Variants in PIK3C2B observed in about 807,000 individuals in gnomAD.
PIK3C2B encodes phosphatidylinositol-4-phosphate 3-kinase catalytic subunit type 2 beta.
A neutral mutation model predicts 184.3 loss-of-function variants in PIK3C2B; 83 were observed. The observed-to-expected ratio is 0.45, with a 90% CI of 0.38 to 0.54. The LOEUF (loss-of-function observed/expected upper bound fraction) is 0.54. PIK3C2B is among the 20% of genes least tolerant of loss of function. PIK3C2B has a pLI of 0.00. For missense variants in PIK3C2B, 1,736 were observed against 2,113.5 expected, an observed-to-expected ratio of 0.82 and a Z score of 3.50; for synonymous variants, 779 against 837.6, an observed-to-expected ratio of 0.93 and a Z score of 1.21.
At chr1:204,451,411 G>C (rs1466291727) in intron 12 of PIK3C2B, among the ~76,000 whole-genome samples, 1 of 152,082 alleles carries the variant, frequency 6.6e-6, no homozygotes, top group Non-Finnish European at 1.5e-5. Flanking sequence ...GGTATATCTG[G>C]TATTCCACAA....
chr1:204,431,355 A>C (rs1675044700), intron 28 of PIK3C2B: 3 of 393,880 alleles, frequency 7.6e-6, no homozygotes, highest in Non-Finnish European at 1.4e-5. Context: ...ATCCCACTGT[A>C]TGTACATATG....
Position 204,433,551 on chromosome 1 carries a change from T to C in PIK3C2B, c.3844-126A>G. ...ACCCTTCTAGAGGGTGGTAGACAGA[T>C]GCTGTGGGCAGTGGCTGGAGGGCCA... On this transcript the variant is annotated intron_variant, in intron 25 of 32. Transcript: ENST00000684373. This position sits in a 1 kb window ranked among gnomAD's most constrained non-coding sequence, Gnocchi z 5.0. 1 of 728,378 alleles carries C rather than the reference T, an allele frequency of 1.4e-6. No individual in the cohort carries two copies. Among genetic ancestry groups the C allele is most frequent in the Non-Finnish European group, 2.3e-6 (1 of 428,848 alleles). 45.1% of individuals were successfully genotyped at this position (728,378 alleles called of 1,614,324 possible).
chr1:204,484,816 TCA>T (rs1272533149), intron 1 of PIK3C2B, among the ~76,000 whole-genome samples: 1 of 151,602 alleles, frequency 6.6e-6, no homozygotes, highest in Non-Finnish European at 1.5e-5. Flanking sequence ...CCAGAACATT[TCA>T]CTCTCCCAGG....
intron 10 of PIK3C2B, 96 bp from the exon 11 acceptor site, chr1:204,456,147 G>A (rs1206509597): frequency 4.3e-6 from 4 of 936,320 alleles, no homozygotes; most frequent in African/African-American, 1.7e-5. Flanking sequence ...GCCTAAGACA[G>A]TGGTCCCCAA....
At chr1:204,440,597 CTT>C (rs34256181) in intron 21 of PIK3C2B, among the ~76,000 whole-genome samples, 4 of 123,548 alleles carry the variant, frequency 3.2e-5, no homozygotes, top group Admixed American at 1.8e-4. Flanking sequence ...ACCATCAGGC[CTT>C]TTTTTTTTTT....
chr1:204,485,123 A>G (rs1430410057), intron 1 of PIK3C2B, among the ~76,000 whole-genome samples: 1 of 150,818 alleles, frequency 6.6e-6, no homozygotes, highest in East Asian at 2.0e-4. Context: ...ATCACGGATC[A>G]CTGCAGCCTT....
chr1:204,425,388 G>A (rs1460062085), intron 32 of PIK3C2B, among the ~76,000 whole-genome samples: 1 of 152,182 alleles, frequency 6.6e-6, no homozygotes, highest in African/African-American at 2.4e-5. Flanking sequence ...TTTATGTAAA[G>A]GGACAGATAG....
At chr1:204,442,113 G>A (rs1037821773) in intron 20 of PIK3C2B, among the ~76,000 whole-genome samples, 4 of 152,136 alleles carry the variant, frequency 2.6e-5, no homozygotes, top group Non-Finnish European at 5.9e-5. Flanking sequence ...CAAGCTGTCA[G>A]GCTTCTAAAA....
At chr1:204,453,826 T>G (rs986557742) in intron 12 of PIK3C2B, among the ~76,000 whole-genome samples, 1 of 151,364 alleles carries the variant, frequency 6.6e-6, no homozygotes, top group South Asian at 2.1e-4. Flanking sequence ...CAGGCTGGAG[T>G]GCAATGGCAC....
At chr1:204,449,136 G>T in intron 14 of PIK3C2B, 49 bp downstream of exon 14, 2 of 1,287,680 alleles carry the variant, frequency 1.6e-6, no homozygotes, top group South Asian at 2.5e-5. Context: ...ATGTAGAGTT[G>T]ACTGGAATGG....
At chr1:204,431,144 C>T (rs1675033937) in intron 28 of PIK3C2B, among the ~76,000 whole-genome samples, 1 of 152,180 alleles carries the variant, frequency 6.6e-6, no homozygotes, top group African/African-American at 2.4e-5. Context: ...AACAACCACA[C>T]CTACCTCCCC....
chr1:204,457,174 G>A (rs1402644360), intron 9 of PIK3C2B, 104 bp from the exon 10 acceptor site: 2 of 916,838 alleles, frequency 2.2e-6, no homozygotes, highest in South Asian at 3.2e-5. Flanking sequence ...ACCAGAATGG[G>A]CTGAAATGTG....
Position 204,424,531 on chromosome 1 carries a change from C to A in PIK3C2B, c.*321G>T, listed in dbSNP as rs1674644419. The A allele has an allele frequency of 4.2e-6, 1 of 239,834 alleles. No individual in the cohort carries two copies. The highest frequency in any genetic ancestry group is 8.0e-6 in the Non-Finnish European group (1 of 125,314). 14.9% of individuals were successfully genotyped at this position (239,834 alleles called of 1,614,324 possible). A position where few individuals can be genotyped will look rare whatever the true frequency, so the allele number is the denominator to read the frequency against. Reference sequence around the variant, plus strand: ...TATCCACCCACCCACCCCCAAAATGCTACTTCATACAGCCCACCCCACACA... The same window carrying A: ...TATCCACCCACCCACCCCCAAAATGATACTTCATACAGCCCACCCCACACA... On this transcript the variant is annotated 3_prime_UTR_variant, in exon 33 of 33. Transcript: ENST00000684373.
At chr1:204,466,104 T>G (rs1193537944) in intron 2 of PIK3C2B, among the ~76,000 whole-genome samples, 1 of 152,130 alleles carries the variant, frequency 6.6e-6, no homozygotes, top group Non-Finnish European at 1.5e-5. Flanking sequence ...GGAGGGTTCC[T>G]AAAGAAGCCC....
At chr1:204,465,196 CCA>C (rs2103510220) in intron 3 of PIK3C2B, 21 bp downstream of exon 3, 1 of 1,271,812 alleles carries the variant, frequency 7.9e-7, no homozygotes, top group Non-Finnish European at 1.1e-6. Context: ...CTCCCAAATC[CCA>C]CCCCATTCTT....
At position 204,455,878 on chromosome 1, in the gene PIK3C2B, T is replaced by G. The variant is rs1654806262; in HGVS notation, c.1921A>C (p.Ile641Leu). ...LAFTVYATHR[I>L]PIIWATSYED... ...CACCTGGTAGCCCAGATGATGGGGA[T>G]GCGGTGGGTGGCATAGACAGTGAAG... Residue 641 changes from isoleucine (I) to leucine (L), a missense_variant, in exon 11 of 33, where the codon ATC becomes CTC. Physicochemically the swap from Ile to Leu is conservative, Grantham distance 5. Coordinates refer to ENST00000684373, the MANE Select transcript of PIK3C2B (RefSeq NM_001377334.1). 6.2e-7 allele frequency: 1 copy of G among 1,612,938 alleles called. No homozygotes were observed. The highest frequency in any genetic ancestry group is 1.3e-5 in the African/African-American group (1 of 75,044).
In PIK3C2B at chr1:204,454,657, G is replaced by A. The variant is rs951756893; in HGVS notation, c.2066+12C>T. On this transcript the variant is annotated intron_variant, in intron 12 of 32. Transcript: ENST00000684373. ...AGTGGCCTGGGCACTGAAGCCTGGG[G>A]GAAGGGCTTACTGCTGGTCCCAGAC... The A allele has an allele frequency of 5.6e-6, 9 of 1,611,830 alleles. No individual in the cohort carries two copies. Among genetic ancestry groups the A allele is most frequent in the Non-Finnish European group, 7.6e-6 (9 of 1,179,842 alleles).
rs373426576 is a variant in PIK3C2B at position 204,444,056 on chromosome 1, A to G, written c.2867+12T>C. 6.0e-5 allele frequency: 94 copies of G among 1,574,460 alleles called. No individual in the cohort carries two copies. The highest frequency in any genetic ancestry group is 1.0e-4 in the Admixed American group (6 of 59,960). On this transcript the variant is annotated intron_variant, in intron 18 of 32. Transcript: ENST00000684373. ...ACGTGTCTACCTCCCACTTTTCTAC[A>G]TGCAGTTTTACCAGAAGAAGTAGTG...
At chr1:204,453,829 A>G (rs945146215) in intron 12 of PIK3C2B, among the ~76,000 whole-genome samples, 4 of 151,472 alleles carry the variant, frequency 2.6e-5, no homozygotes, top group Admixed American at 1.3e-4. Flanking sequence ...GCTGGAGTGC[A>G]ATGGCACGAT....
Sources: allele counts gnomAD v4.1 joint callset (sites outside exome capture counted in the v4.1 genomes callset), GRCh38; gene constraint gnomAD v4.1.1; non-coding constraint Gnocchi (gnomAD v3.1); transcripts MANE v1.5; gene names NCBI Gene and HGNC (gene_info 2026-07-23, HGNC 2026-07-21).